The following GPC6 variants were observed in gnomAD, a reference collection of about 807,000 sequenced individuals.
The protein encoded by GPC6 is glypican-6.
GPC6 carries 14 observed loss-of-function variants against 55.2 expected under a neutral mutation model. The ratio of observed to expected loss-of-function variants is 0.25; its 90% CI spans 0.17 to 0.40. GPC6 has a LOEUF of 0.40. GPC6 is among the 10% of genes least tolerant of loss of function. The probability of loss-of-function intolerance (pLI) is 1.00; values close to 1 mark genes in which losing one functional copy is unlikely to be tolerated. For synonymous variants in GPC6, 278 were observed against 259.6 expected, an observed-to-expected ratio of 1.07 and a Z score of -0.68; for missense variants, 641 against 708.5, an observed-to-expected ratio of 0.90 and a Z score of 1.08.
intron 6 of GPC6, among the ~76,000 whole-genome samples, chr13:94,335,914 T>C: frequency 6.7e-6 from 1 of 149,984 alleles, no homozygotes; most frequent in Non-Finnish European, 1.5e-5. Context: ...TTTTTTTTTT[T>C]TTTTCCTTCT....
At chr13:94,271,373 C>T (rs567158792) in intron 4 of GPC6, among the ~76,000 whole-genome samples, 1,132 of 109,796 alleles carry the variant, frequency 0.01, 7 homozygotes, top group Non-Finnish European at 0.017. Flanking sequence ...CACACGCGCG[C>T]GCGCGCGCGC....
At chr13:93,680,577 G>C (rs1232767149) in intron 2 of GPC6, among the ~76,000 whole-genome samples, 1 of 152,134 alleles carries the variant, frequency 6.6e-6, no homozygotes, top group African/African-American at 2.4e-5. Context: ...GGATTAAGGA[G>C]GGTCTTCTAA....
intron 2 of GPC6, among the ~76,000 whole-genome samples, chr13:93,702,288 GA>G (rs1188634316): frequency 6.6e-6 from 1 of 151,948 alleles, no homozygotes; most frequent in Non-Finnish European, 1.5e-5. Context: ...ATTTTGATAG[GA>G]ATCTTTTTTT....
In GPC6 at chr13:94,388,587, A is replaced by G. The variant is rs751793325; in HGVS notation, c.1289+6037A>G. On this transcript the variant is annotated intron_variant, in intron 7 of 8. Transcript: ENST00000377047. ...TCTTTGGTCAGCATTTTATTCAATT[A>G]GTGTCTTAGCTCAAAAAATACCACA... 2.4e-4 allele frequency among the ~76,000 whole-genome samples: 36 copies of G among 152,362 alleles called. 1 individual carries two copies. Among genetic ancestry groups the G allele is most frequent in the Admixed American group, 7.2e-4 (11 of 15,306 alleles).
chr13:93,702,898 A>C (rs1882721035), intron 2 of GPC6, among the ~76,000 whole-genome samples: 1 of 151,950 alleles, frequency 6.6e-6, no homozygotes, highest in Non-Finnish European at 1.5e-5. Flanking sequence ...TTGATCTTCT[A>C]TCCAGACCCC....
chr13:93,342,432 G>A (rs920482481), intron 1 of GPC6, among the ~76,000 whole-genome samples: 3 of 152,104 alleles, frequency 2.0e-5, no homozygotes, highest in Non-Finnish European at 2.9e-5. Context: ...GTATGCAGGA[G>A]AACTGCCCTT....
At chr13:94,254,484 G>A (rs1891447043) in intron 4 of GPC6, among the ~76,000 whole-genome samples, 1 of 151,882 alleles carries the variant, frequency 6.6e-6, no homozygotes, top group Non-Finnish European at 1.5e-5. Context: ...ACCATCCATA[G>A]AATAAACCAC....
At chr13:94,254,335 C>G (rs947185032) in intron 4 of GPC6, among the ~76,000 whole-genome samples, 1 of 152,046 alleles carries the variant, frequency 6.6e-6, no homozygotes, top group African/African-American at 2.4e-5. Flanking sequence ...AAATGTTTCC[C>G]TAGTCATCTG....
chr13:93,821,303 A>T (rs1394080693), intron 2 of GPC6, among the ~76,000 whole-genome samples: 1 of 152,172 alleles, frequency 6.6e-6, no homozygotes, highest in Non-Finnish European at 1.5e-5. Context: ...CTGTTACGGT[A>T]TTTCGTAAAG....
intron 4 of GPC6, among the ~76,000 whole-genome samples, chr13:94,032,445 G>A (rs957753391): frequency 1.3e-5 from 2 of 152,134 alleles, no homozygotes; most frequent in Non-Finnish European, 2.9e-5. Flanking sequence ...CATAATTGAT[G>A]TTAAATAGCC....
chr13:93,413,826 GA>G (rs1258127736), intron 1 of GPC6, among the ~76,000 whole-genome samples: 2 of 152,018 alleles, frequency 1.3e-5, no homozygotes, highest in Non-Finnish European at 2.9e-5. Flanking sequence ...AAATGATAAA[GA>G]ATACACACTC....
chr13:93,896,556 T>C (rs1876022676), intron 3 of GPC6, among the ~76,000 whole-genome samples: 1 of 152,084 alleles, frequency 6.6e-6, no homozygotes, highest in Non-Finnish European at 1.5e-5. Context: ...AAAAGATGTG[T>C]AGCAGAAAAT....
At chr13:94,023,635 A>G (rs143470167) in intron 3 of GPC6, among the ~76,000 whole-genome samples, 25 of 152,170 alleles carry the variant, frequency 1.6e-4, no homozygotes, top group African/African-American at 5.8e-4. Flanking sequence ...CATTTCTTTC[A>G]GAGAAATGAA....
At chr13:93,384,705 A>G (rs1875325939) in intron 1 of GPC6, among the ~76,000 whole-genome samples, 1 of 152,226 alleles carries the variant, frequency 6.6e-6, no homozygotes, top group Admixed American at 6.5e-5. Context: ...GTGTTTGAAG[A>G]TTTGAGTGGT....
At chr13:93,324,573 C>CACACATACATACATATATATATATAT in intron 1 of GPC6, among the ~76,000 whole-genome samples, 2 of 105,524 alleles carry the variant, frequency 1.9e-5, no homozygotes, top group African/African-American at 8.9e-5. Flanking sequence ...TATATATATA[C>CACACATACATACATATATATATATAT]ACACACATAC....
intron 4 of GPC6, among the ~76,000 whole-genome samples, chr13:94,263,963 T>G (rs1365826134): frequency 6.6e-6 from 1 of 152,174 alleles, no homozygotes; most frequent in East Asian, 1.9e-4. Flanking sequence ...TGTGTCACTG[T>G]CTTTTGAAAT....
intron 6 of GPC6, among the ~76,000 whole-genome samples, chr13:94,336,066 C>A (rs1187126382): frequency 6.6e-6 from 1 of 152,018 alleles, no homozygotes; most frequent in East Asian, 1.9e-4. Context: ...GAGTAAAATG[C>A]CCTGCAAAGC....
intron 6 of GPC6, among the ~76,000 whole-genome samples, chr13:94,374,348 C>G (rs1322144768): frequency 1.3e-5 from 2 of 150,432 alleles, no homozygotes; most frequent in African/African-American, 4.9e-5. Flanking sequence ...CACATAGGCT[C>G]AAAATAAAAG....
At chr13:94,177,863 T>G (rs1566505317) in intron 4 of GPC6, among the ~76,000 whole-genome samples, 1 of 152,178 alleles carries the variant, frequency 6.6e-6, no homozygotes, top group Non-Finnish European at 1.5e-5. Flanking sequence ...TTAATCATTG[T>G]CATCTTCCTC....
Sources: allele counts gnomAD v4.1 joint callset (sites outside exome capture counted in the v4.1 genomes callset), GRCh38; gene constraint gnomAD v4.1.1; transcripts MANE v1.5; gene names NCBI Gene and HGNC (gene_info 2026-07-23, HGNC 2026-07-21).